The following QTGAL variants were observed in gnomAD, a reference collection of about 807,000 sequenced individuals.
The protein encoded by QTGAL is BGnT-like protein 1.
the QTGAL span, among the ~76,000 whole-genome samples, chr17:83,031,662 A>AC: frequency 6.6e-6 from 1 of 152,262 alleles, no homozygotes; most frequent in East Asian, 1.9e-4. Context: ...GGCAGGTGTC[A>AC]CGTGACGAGA....
the QTGAL span, among the ~76,000 whole-genome samples, chr17:83,040,214 T>C: frequency 2.0e-5 from 3 of 152,140 alleles, no homozygotes; most frequent in Admixed American, 1.3e-4. Context: ...AGGCACTGGT[T>C]TTCTAAAACT....
At chr17:83,008,630 C>T in the QTGAL span, among the ~76,000 whole-genome samples, 39 of 152,324 alleles carry the variant, frequency 2.6e-4, no homozygotes, top group African/African-American at 8.9e-4. Context: ...CCACGTGACA[C>T]GGTGCTCTGG....
At chr17:83,037,863 T>C in the QTGAL span, among the ~76,000 whole-genome samples, 2 of 152,230 alleles carry the variant, frequency 1.3e-5, no homozygotes, top group Admixed American at 6.5e-5. This position sits in a 1 kb window ranked among gnomAD's most constrained non-coding sequence, Gnocchi z 5.2. Context: ...GCTTTAATAT[T>C]ATTGCCTTGA....
chr17:83,023,942 T>A, the QTGAL span, among the ~76,000 whole-genome samples: 1 of 152,152 alleles, frequency 6.6e-6, no homozygotes, highest in Non-Finnish European at 1.5e-5. Flanking sequence ...AATTAGCAAT[T>A]TAAAAGTGCT....
chr17:82,977,250 G>A, the QTGAL span, among the ~76,000 whole-genome samples: 6 of 152,226 alleles, frequency 3.9e-5, no homozygotes, highest in Non-Finnish European at 7.4e-5. Context: ...CGGAACCTGC[G>A]TGAATAAGGA....
the QTGAL span, chr17:83,011,568 C>T: frequency 1.3e-5 from 2 of 152,202 alleles, no homozygotes; most frequent in African/African-American, 4.8e-5. Context: ...AACAGCCTTT[C>T]TAAAGCTGAC....
the QTGAL span, among the ~76,000 whole-genome samples, chr17:82,968,641 C>T: frequency 5.3e-5 from 8 of 152,350 alleles, no homozygotes; most frequent in South Asian, 2.1e-4. Flanking sequence ...CAGGGACAGA[C>T]GTCGCATCTG....
At chr17:82,983,781 C>T in the QTGAL span, among the ~76,000 whole-genome samples, 1 of 152,246 alleles carries the variant, frequency 6.6e-6, no homozygotes, top group Admixed American at 6.5e-5. Flanking sequence ...GTGCTGAGGA[C>T]TGAACTGTGT....
At chr17:83,046,199 G>A in the QTGAL span, among the ~76,000 whole-genome samples, 4,630 of 150,858 alleles carry the variant, frequency 0.031, 246 homozygotes, top group African/African-American at 0.11. Flanking sequence ...GCACCATCTC[G>A]GCTCACTGCA....
At chr17:83,031,709 G>C in the QTGAL span, among the ~76,000 whole-genome samples, 1 of 152,244 alleles carries the variant, frequency 6.6e-6, no homozygotes, top group Non-Finnish European at 1.5e-5. Flanking sequence ...ACTGCAGCAG[G>C]TGTGGGGTGG....
chr17:83,016,396 A>G, the QTGAL span, among the ~76,000 whole-genome samples: 1 of 151,976 alleles, frequency 6.6e-6, no homozygotes, highest in East Asian at 1.9e-4. Flanking sequence ...GCCGAGAGGA[A>G]CCTAGTGGGG....
At chr17:82,958,734 G>A in the QTGAL span, among the ~76,000 whole-genome samples, 7 of 151,718 alleles carry the variant, frequency 4.6e-5, no homozygotes, top group Admixed American at 1.3e-4. Context: ...TCAATAGTCC[G>A]GACCCCACCT....
At chr17:83,027,201 G>C in the QTGAL span, among the ~76,000 whole-genome samples, 1 of 152,192 alleles carries the variant, frequency 6.6e-6, no homozygotes, top group Non-Finnish European at 1.5e-5. Context: ...CACAGAGCAG[G>C]GCAGGGAGCC....
chr17:82,971,052 G>A, the QTGAL span, among the ~76,000 whole-genome samples: 2 of 152,156 alleles, frequency 1.3e-5, no homozygotes, highest in African/African-American at 4.8e-5. Context: ...CTCACTCAGC[G>A]CTGTGGGAGG....
chr17:83,024,351 G>A, the QTGAL span, among the ~76,000 whole-genome samples: 16 of 151,306 alleles, frequency 1.1e-4, no homozygotes, highest in Non-Finnish European at 1.3e-4. Context: ...GCTGCTCCAC[G>A]GTTTCCTGAA....
the QTGAL span, among the ~76,000 whole-genome samples, chr17:82,982,473 C>G: frequency 1.3e-5 from 2 of 152,160 alleles, no homozygotes; most frequent in Non-Finnish European, 2.9e-5. Flanking sequence ...AAAAGGGCCT[C>G]ACGGAGATCC....
At chr17:82,942,490 C>A in the QTGAL span, 3 of 1,613,804 alleles carry the variant, frequency 1.9e-6, no homozygotes, top group East Asian at 2.2e-5. Context: ...CATACCTCAC[C>A]CCTGCCTGGT....
chr17:83,035,342 G>T, the QTGAL span, among the ~76,000 whole-genome samples: 2 of 152,018 alleles, frequency 1.3e-5, no homozygotes, highest in African/African-American at 4.8e-5. Flanking sequence ...ACCACGCCTG[G>T]CGAATTTTGT....
the QTGAL span, among the ~76,000 whole-genome samples, chr17:82,991,601 CAT>C: frequency 6.6e-6 from 1 of 152,182 alleles, no homozygotes; most frequent in Admixed American, 6.5e-5. Context: ...TACGAACAAA[CAT>C]AGACTGCAAA....
Sources: allele counts gnomAD v4.1 joint callset (sites outside exome capture counted in the v4.1 genomes callset), GRCh38; gene constraint gnomAD v4.1.1; non-coding constraint Gnocchi (gnomAD v3.1); transcripts MANE v1.5; gene names NCBI Gene and HGNC (gene_info 2026-07-23, HGNC 2026-07-21).